Variants in PIEZO2 observed in about 807,000 individuals in gnomAD.
PIEZO2 encodes the protein piezo-type mechanosensitive ion channel component 2.
Under a neutral mutation model 337.3 loss-of-function variants are expected in PIEZO2, and 172 were observed. The ratio of observed to expected loss-of-function variants is 0.51; its 90% CI spans 0.45 to 0.58. The LOEUF is 0.58. PIEZO2 is among the 20% of genes least tolerant of loss of function. The probability of loss-of-function intolerance (pLI) is 0.00; values close to 1 mark genes in which losing one functional copy is unlikely to be tolerated. For synonymous variants in PIEZO2, 1,251 were observed against 1,228.5 expected, an observed-to-expected ratio of 1.02 and a Z score of -0.38; for missense variants, 3,028 against 3,391.3, an observed-to-expected ratio of 0.89 and a Z score of 2.66.
chr18:10,991,263 G>A (rs562895821), intron 2 of PIEZO2, among the ~76,000 whole-genome samples: 1 of 150,268 alleles, frequency 6.7e-6, no homozygotes, highest in Non-Finnish European at 1.5e-5. Context: ...TAAGTTCTGG[G>A]GTACATGTAC....
chr18:10,788,203 A>G (rs569859985), intron 15 of PIEZO2, among the ~76,000 whole-genome samples: 1 of 152,128 alleles, frequency 6.6e-6, no homozygotes, highest in Non-Finnish European at 1.5e-5. Flanking sequence ...GGAGTTTGAA[A>G]CCAGCCTGGC....
At chr18:11,007,537 A>G (rs1449076770) in intron 2 of PIEZO2, among the ~76,000 whole-genome samples, 1 of 152,218 alleles carries the variant, frequency 6.6e-6, no homozygotes, top group East Asian at 1.9e-4. Flanking sequence ...TATCATAAGC[A>G]CAAAGAAAAA....
chr18:10,930,418 TCCACCTA>T (rs994738634), intron 3 of PIEZO2, among the ~76,000 whole-genome samples: 228 of 152,338 alleles, frequency 1.5e-3, no homozygotes, highest in African/African-American at 5.0e-3. Context: ...AATCTTTAAA[TCCACCTA>T]TGACTTAGAC....
At chr18:10,756,802 A>G (rs1169764622) in intron 27 of PIEZO2, among the ~76,000 whole-genome samples, 2 of 147,700 alleles carry the variant, frequency 1.4e-5, no homozygotes, top group Non-Finnish European at 3.0e-5. Flanking sequence ...GGGATGGAGA[A>G]TGAGGAGGAG....
rs1468373830 is a variant in PIEZO2, at chr18:11,038,761, C to A, written c.160+27366G>T. 6.6e-6 allele frequency among the ~76,000 whole-genome samples: 1 copy of A among 152,182 alleles called. No individual in the cohort carries two copies. The highest frequency in any genetic ancestry group is 1.5e-5 in the Non-Finnish European group (1 of 68,034). On this transcript the variant is annotated intron_variant, in intron 2 of 55. Transcript: ENST00000674853. The surrounding 1 kb of genome is among the most constrained non-coding windows in gnomAD (Gnocchi z 4.1). ...TGATTAAATGTATAATACATGCATA[C>A]ATACAAATAAAATTAGCTCTATACA...
rs1034112899 is a variant in PIEZO2, at chr18:11,031,387, G to C, written c.160+34740C>G. On this transcript the variant is annotated intron_variant, in intron 2 of 55. Coordinates refer to ENST00000674853, the MANE Select transcript of PIEZO2 (RefSeq NM_001378183.1). This position sits in a 1 kb window ranked among gnomAD's most constrained non-coding sequence, Gnocchi z 4.7. ...ACACATTTCCTACGTCATTACTTTT[G>C]AAAGTATACTCCACTCTTAATTCTT... 4.6e-5 allele frequency among the ~76,000 whole-genome samples: 7 copies of C among 151,468 alleles called. No homozygotes were observed. The highest frequency in any genetic ancestry group is 1.5e-4 in the African/African-American group (6 of 41,304).
chr18:10,719,074 CATT>C (rs2036145487), intron 36 of PIEZO2, among the ~76,000 whole-genome samples: 1 of 151,864 alleles, frequency 6.6e-6, no homozygotes, highest in Admixed American at 6.6e-5. Flanking sequence ...CTTAAAATGA[CATT>C]ATAGGATTTC....
chr18:11,092,796 A>G lies in PIEZO2; in HGVS notation c.65-26574T>C, dbSNP rs944908950. Among the ~76,000 whole-genome samples, 2 of 152,206 alleles carry G rather than the reference A, an allele frequency of 1.3e-5. No homozygotes were observed. Among genetic ancestry groups the G allele is most frequent in the African/African-American group, 4.8e-5 (2 of 41,448 alleles). On this transcript the variant is annotated intron_variant, in intron 1 of 55. Coordinates refer to ENST00000674853, the MANE Select transcript of PIEZO2 (RefSeq NM_001378183.1). This position sits in a 1 kb window ranked among gnomAD's most constrained non-coding sequence, Gnocchi z 4.5. The stretch of plus-strand genomic sequence containing the variant: ...GGTCGGAACTGAGAACATTTATGGC[A>G]TGAGGACCTTCTGTGGCCCCCTCAT...
intron 11 of PIEZO2, among the ~76,000 whole-genome samples, chr18:10,799,214 C>T (rs2039717406): frequency 7.2e-6 from 1 of 138,304 alleles, no homozygotes; most frequent in Non-Finnish European, 1.7e-5. Context: ...TGGCCACTCA[C>T]TAAAGGCACG....
In PIEZO2 at chr18:11,143,571, G is replaced by A. The variant is rs1300137091; in HGVS notation, c.64+4954C>T. ...ATTTGGAATATTGAGTAAAACTGGT[G>A]AGAAAAATCCTGAGAACTAAAAATC... On this transcript the variant is annotated intron_variant, in intron 1 of 55. Transcript: ENST00000674853. The surrounding 1 kb of genome is among the most constrained non-coding windows in gnomAD (Gnocchi z 4.9). Among the ~76,000 whole-genome samples the A allele has an allele frequency of 6.6e-6, 1 of 150,796 alleles. No homozygotes were observed. The highest frequency in any genetic ancestry group is 2.0e-4 in the East Asian group (1 of 5,118).
intron 30 of PIEZO2, 70 bp from the exon 31 acceptor site, chr18:10,744,301 A>G (rs2037340138): frequency 1.0e-6 from 1 of 999,660 alleles, no homozygotes; most frequent in Non-Finnish European, 1.5e-6. Flanking sequence ...CCTGAAAATT[A>G]TTACTAAGGG....
At position 10,962,387 on chromosome 18, in the gene PIEZO2, C is replaced by T. The variant is rs1472364710; in HGVS notation, c.286+17148G>A. On this transcript the variant is annotated intron_variant, in intron 3 of 55. Coordinates refer to ENST00000674853, the MANE Select transcript of PIEZO2 (RefSeq NM_001378183.1). The surrounding 1 kb of genome is among the most constrained non-coding windows in gnomAD (Gnocchi z 4.1). The stretch of plus-strand genomic sequence containing the variant: ...TCACAACTGGCATTTTCCTTCCACA[C>T]TTTCTCAATTGTCCCTTAACACTCC... 6.6e-6 allele frequency among the ~76,000 whole-genome samples: 1 copy of T among 152,194 alleles called. No homozygotes were observed. The highest frequency in any genetic ancestry group is 1.5e-5 in the Non-Finnish European group (1 of 68,036).
chr18:10,687,906 ACTAT>A (rs2034622193), intron 49 of PIEZO2, among the ~76,000 whole-genome samples: 2 of 152,210 alleles, frequency 1.3e-5, no homozygotes, highest in Admixed American at 6.5e-5. Context: ...TCCAGGCAAG[ACTAT>A]CCAGTGGAGC....
At position 10,752,834 on chromosome 18, in the gene PIEZO2, G is replaced by A. The variant is rs545076637; in HGVS notation, c.3969C>T (p.Phe1323=). Reference sequence around the variant, plus strand: ...TGAAGATGATGGTGAGCACAAACCAGAAGAGGTAGCTGAAGATGATCACTT... The same window carrying A: ...TGAAGATGATGGTGAGCACAAACCAAAAGAGGTAGCTGAAGATGATCACTT... ...MSKVIIFSYL[F]WFVLTIIFIT... The change falls in exon 28 of 56, where the codon TTC becomes TTT. Residue 1323 remains phenylalanine, a synonymous_variant. Transcript: ENST00000674853. 11 of 1,537,146 alleles carry A rather than the reference G, an allele frequency of 7.2e-6. No homozygotes were observed. The African/African-American group carries it at 1.4e-4, about 19-fold the overall frequency.
At chr18:10,958,616 A>G (rs984687037) in intron 3 of PIEZO2, among the ~76,000 whole-genome samples, 3 of 152,224 alleles carry the variant, frequency 2.0e-5, no homozygotes, top group Non-Finnish European at 2.9e-5. Context: ...TACAAGGTAT[A>G]CATAGATCAA....
In PIEZO2 at chr18:11,008,515, C is replaced by T. The variant is rs546898673; in HGVS notation, c.161-28855G>A. On this transcript the variant is annotated intron_variant, in intron 2 of 55. Transcript: ENST00000674853. ...AGATTGCTTGCCTGTGTGAGCCTGT[C>T]TTTGGCTATCCACTAGGCCCACTCT... is the stretch of plus-strand genomic sequence containing the variant. Among the ~76,000 whole-genome samples, 211 of 152,264 alleles carry T rather than the reference C, an allele frequency of 1.4e-3. 2 individuals carry two copies. The highest frequency in any genetic ancestry group is 4.9e-3 in the African/African-American group (205 of 41,552).
chr18:11,081,327 C>T (rs1306760071), intron 1 of PIEZO2, among the ~76,000 whole-genome samples: 4 of 152,188 alleles, frequency 2.6e-5, no homozygotes, highest in Non-Finnish European at 5.9e-5. Flanking sequence ...AATACACTTT[C>T]CAATGCCAAT....
At position 10,979,898 on chromosome 18, in the gene PIEZO2, A is replaced by G. The variant is rs779396764; in HGVS notation, c.161-238T>C. 2.6e-5 allele frequency among the ~76,000 whole-genome samples: 4 copies of G among 152,192 alleles called. No individual in the cohort carries two copies. The highest frequency in any genetic ancestry group is 1.9e-4 in the East Asian group (1 of 5,204). On this transcript the variant is annotated intron_variant, in intron 2 of 55. Coordinates refer to ENST00000674853, the MANE Select transcript of PIEZO2 (RefSeq NM_001378183.1). The surrounding 1 kb of genome is among the most constrained non-coding windows in gnomAD (Gnocchi z 4.0). ...CACTGTAAAAGAAGGATAATTTCCT[A>G]TTTATCATATGACACATTACAGTGG...
intron 36 of PIEZO2, among the ~76,000 whole-genome samples, chr18:10,725,980 G>A (rs1365337344): frequency 6.6e-6 from 1 of 152,208 alleles, no homozygotes; most frequent in Non-Finnish European, 1.5e-5. Context: ...CTGGGCAAGA[G>A]GTGGTTTTTA....
Sources: gnomAD v4.1 joint callset for allele counts (sites outside exome capture counted in the v4.1 genomes callset) on GRCh38, gnomAD v4.1.1 for gene constraint, Gnocchi (gnomAD v3.1) non-coding constraint, MANE v1.5 for transcripts, NCBI Gene and HGNC (gene_info 2026-07-23, HGNC 2026-07-21) for gene names.